The following NRG1 variants were observed in gnomAD, a reference collection of about 807,000 sequenced individuals.
NRG1 encodes the protein pro-neuregulin-1, membrane-bound isoform.
A neutral mutation model predicts 63.8 loss-of-function variants in NRG1; 18 were observed. The ratio of observed to expected loss-of-function variants is 0.28; its 90% confidence interval spans 0.19 to 0.42. The LOEUF (loss-of-function observed/expected upper bound fraction) is 0.42. NRG1 is among the 10% of genes least tolerant of loss of function. NRG1 has a pLI of 1.00. For missense variants in NRG1, 762 were observed against 814.7 expected (o/e 0.94, Z 0.79); for synonymous variants, 302 against 301.3 (o/e 1.00, Z -0.02).
At chr8:32,373,454 C>T (rs1809195349) in intron 1 of NRG1, among the ~76,000 whole-genome samples, 1 of 146,338 alleles carries the variant, frequency 6.8e-6, no homozygotes, top group Admixed American at 7.0e-5. Flanking sequence ...AATTTATATG[C>T]CTGAGGTGTT....
intron 1 of NRG1, among the ~76,000 whole-genome samples, chr8:31,848,643 C>T (rs939109131): frequency 3.9e-5 from 6 of 152,178 alleles, no homozygotes; most frequent in African/African-American, 1.4e-4. Context: ...AGCCCTGCTT[C>T]CTGTCAGATC....
At chr8:32,191,713 T>A (rs1466918835) in intron 1 of NRG1, among the ~76,000 whole-genome samples, 13 of 151,960 alleles carry the variant, frequency 8.6e-5, no homozygotes. Flanking sequence ...GAGGAGAGAG[T>A]GTATGGCCTG....
intron 1 of NRG1, among the ~76,000 whole-genome samples, chr8:32,392,203 C>A (rs1811862588): frequency 6.6e-6 from 1 of 152,166 alleles, no homozygotes; most frequent in Middle Eastern, 3.2e-3. Context: ...CCATATATAA[C>A]TGAAGGATGA....
chr8:32,324,398 G>C (rs1274711387), intron 1 of NRG1, among the ~76,000 whole-genome samples: 1 of 152,212 alleles, frequency 6.6e-6, no homozygotes, highest in East Asian at 1.9e-4. Context: ...GCATTGAGTA[G>C]AGAAGTGTCT....
intron 1 of NRG1, among the ~76,000 whole-genome samples, chr8:31,750,687 A>G (rs920085971): frequency 3.9e-5 from 6 of 151,946 alleles, no homozygotes; most frequent in African/African-American, 1.4e-4. Flanking sequence ...ACAACAAGCC[A>G]CAAGTGACTA....
chr8:32,436,894 T>TACAC (rs10543606), intron 1 of NRG1, among the ~76,000 whole-genome samples: 6 of 149,540 alleles, frequency 4.0e-5, no homozygotes, highest in East Asian at 2.0e-4. Context: ...TATACACACA[T>TACAC]ACACACACAC....
At chr8:31,998,813 T>G (rs1812451502) in intron 1 of NRG1, among the ~76,000 whole-genome samples, 1 of 151,986 alleles carries the variant, frequency 6.6e-6, no homozygotes, top group African/African-American at 2.4e-5. Flanking sequence ...TTTATAGATA[T>G]TTATATCTAC....
intron 1 of NRG1, among the ~76,000 whole-genome samples, chr8:31,696,986 TC>T (rs1810132799): frequency 1.3e-5 from 2 of 152,212 alleles, no homozygotes. Context: ...CCATTTTAAT[TC>T]CTATCACTAG....
chr8:32,366,151 T>A (rs1054786046), intron 1 of NRG1, among the ~76,000 whole-genome samples: 15 of 152,212 alleles, frequency 9.9e-5, no homozygotes, highest in African/African-American at 3.1e-4. Flanking sequence ...TTTTTTAAAA[T>A]TTTTTTTAGA....
At chr8:32,604,244 T>C (rs1844869144) in intron 2 of NRG1, among the ~76,000 whole-genome samples, 1 of 151,992 alleles carries the variant, frequency 6.6e-6, no homozygotes, top group Admixed American at 6.6e-5. Context: ...ACCCCCATTG[T>C]AGGAAGAAAA....
chr8:32,393,407 T>C (rs1259740637), intron 1 of NRG1, among the ~76,000 whole-genome samples: 1 of 152,204 alleles, frequency 6.6e-6, no homozygotes, highest in Non-Finnish European at 1.5e-5. Flanking sequence ...GGAATATAAC[T>C]GTTCTACCAT....
intron 5 of NRG1, chr8:32,647,737 A>G: frequency 6.3e-7 from 1 of 1,580,918 alleles, no homozygotes; most frequent in Non-Finnish European, 8.6e-7. Context: ...TATTCCCCAG[A>G]CATGTCTGAG....
chr8:31,951,635 C>A (rs1415513939), intron 1 of NRG1, among the ~76,000 whole-genome samples: 1 of 152,054 alleles, frequency 6.6e-6, no homozygotes, highest in African/African-American at 2.4e-5. Context: ...GTGTCACTGC[C>A]ATGCTAGGAA....
chr8:32,623,612 T>G (rs1214693871), intron 5 of NRG1, among the ~76,000 whole-genome samples: 1 of 152,104 alleles, frequency 6.6e-6, no homozygotes, highest in African/African-American at 2.4e-5. Context: ...GGCTGGAGAG[T>G]TACTTACAGA....
intron 1 of NRG1, among the ~76,000 whole-genome samples, chr8:32,292,480 A>G (rs1363838679): frequency 6.6e-6 from 1 of 152,204 alleles, no homozygotes; most frequent in Non-Finnish European, 1.5e-5. Context: ...ATTGATTACT[A>G]CAGTTGAAGA....
chr8:32,443,301 A>G (rs982572373), intron 1 of NRG1, among the ~76,000 whole-genome samples: 6 of 152,306 alleles, frequency 3.9e-5, no homozygotes, highest in African/African-American at 1.2e-4. Context: ...GCCTCTTCAT[A>G]AACCTCTGCT....
At chr8:32,396,671 C>T (rs957582768) in intron 1 of NRG1, among the ~76,000 whole-genome samples, 16 of 152,166 alleles carry the variant, frequency 1.1e-4, no homozygotes, top group African/African-American at 3.1e-4. Context: ...TAGTGTTGAA[C>T]TCCTGACCTC....
intron 1 of NRG1, among the ~76,000 whole-genome samples, chr8:31,872,353 T>G (rs936584151): frequency 6.6e-6 from 1 of 152,210 alleles, no homozygotes; most frequent in Non-Finnish European, 1.5e-5. Flanking sequence ...CCTTCTTTCT[T>G]GTTCCAACTA....
At chr8:32,079,885 C>T (rs551634083) in intron 1 of NRG1, among the ~76,000 whole-genome samples, 1 of 152,178 alleles carries the variant, frequency 6.6e-6, no homozygotes, top group South Asian at 2.1e-4. Context: ...TTTTTGATGT[C>T]TACACATTTC....
Sources: gnomAD v4.1 joint callset for allele counts (sites outside exome capture counted in the v4.1 genomes callset) on GRCh38, gnomAD v4.1.1 for gene constraint, MANE v1.5 for transcripts, NCBI Gene and HGNC (gene_info 2026-07-23, HGNC 2026-07-21) for gene names.